SERPING1: variants seen among roughly 807,000 people sequenced by gnomAD.
The protein encoded by SERPING1 is plasma protease C1 inhibitor.
A neutral mutation model predicts 34.1 loss-of-function variants in SERPING1; 5 were observed. The ratio of observed to expected loss-of-function variants is 0.15; its 90% CI spans 0.08 to 0.31. The LOEUF is 0.31. SERPING1 is among the 10% of genes least tolerant of loss of function. The probability of loss-of-function intolerance (pLI) is 1.00; values close to 1 mark genes in which losing one functional copy is unlikely to be tolerated. For missense variants in SERPING1, 505 were observed against 609.5 expected (o/e 0.83, Z 1.81); for synonymous variants, 225 against 242.4 (o/e 0.93, Z 0.67).
chr11:57,601,763 A>G (rs1945349710), intron 3 of SERPING1, among the ~76,000 whole-genome samples: 1 of 147,786 alleles, frequency 6.8e-6, no homozygotes, highest in African/African-American at 2.5e-5. Context: ...CTTGGGAGGC[A>G]GAGGTGGGAG....
In SERPING1 at chr11:57,606,412, G is replaced by C; in HGVS notation, c.894G>C (p.Lys298Asn). The C allele has an allele frequency of 1.2e-6, 2 of 1,614,092 alleles. No homozygotes were observed. The highest frequency in any genetic ancestry group is 1.3e-5 in the African/African-American group (1 of 75,006). Residue 298 changes from lysine to asparagine, a missense_variant, in exon 6 of 8, where the codon AAG becomes AAC. Transcript: ENST00000278407. Reference sequence around the variant, plus strand: ...CCTCCCACCTCTTCCCTCTAGCCAAGTGGAAGACAACATTTGATCCCAAGA... The same window carrying C: ...CCTCCCACCTCTTCCCTCTAGCCAACTGGAAGACAACATTTGATCCCAAGA... ...VLLNAIYLSA[K>N]WKTTFDPKKT...
intron 3 of SERPING1, among the ~76,000 whole-genome samples, chr11:57,600,646 A>G (rs1236892847): frequency 6.6e-6 from 1 of 152,198 alleles, no homozygotes; most frequent in Non-Finnish European, 1.5e-5. Context: ...TTTCATGGCA[A>G]GGAGAGGTGA....
chr11:57,602,140 C>T lies in SERPING1; in HGVS notation c.656C>T (p.Thr219Ile), dbSNP rs775430695. ...ALKGFTTKGV[T>I]SVSQIFHSPD... ...AAGGGCTTCACGACCAAAGGTGTCA[C>T]CTCAGTCTCTCAGATCTTCCACAGC... The change falls in exon 4 of 8, where the codon ACC (threonine) becomes ATC (isoleucine). Residue 219 changes from threonine to isoleucine, a missense_variant. Thr to Ile is a moderately conservative substitution (Grantham distance 89). Coordinates refer to ENST00000278407, the MANE Select transcript of SERPING1 (RefSeq NM_000062.3). The T allele has an allele frequency of 6.2e-7, 1 of 1,614,228 alleles. No individual in the cohort carries two copies. The highest frequency in any genetic ancestry group is 8.5e-7 in the Non-Finnish European group (1 of 1,180,048).
Position 57,614,442 on chromosome 11 carries a change from A to C in SERPING1, c.1364A>C (p.Glu455Ala). ...TVLELTETGV[E>A]AAAASAISVA... is the part of the protein sequence containing the mutation. ...CTGGAACTGACAGAGACTGGGGTGGAGGCGGCTGCAGCCTCCGCCATCTCT... is the reference window on the plus strand; with the variant it reads ...CTGGAACTGACAGAGACTGGGGTGGCGGCGGCTGCAGCCTCCGCCATCTCT... Residue 455 changes from glutamate to alanine, a missense_variant, in exon 8 of 8, where the codon GAG becomes GCG. Coordinates refer to ENST00000278407, the MANE Select transcript of SERPING1 (RefSeq NM_000062.3). The C allele has an allele frequency of 6.2e-7, 1 of 1,614,064 alleles. No homozygotes were observed. The highest frequency in any genetic ancestry group is 8.5e-7 in the Non-Finnish European group (1 of 1,180,028).
At chr11:57,609,284 C>CA (rs1240445721) in intron 6 of SERPING1, among the ~76,000 whole-genome samples, 3 of 149,066 alleles carry the variant, frequency 2.0e-5, no homozygotes, top group East Asian at 2.0e-4. Context: ...TCTCAAAACA[C>CA]AAAAAAAGAA....
chr11:57,603,904 C>T (rs1171539159), intron 4 of SERPING1, among the ~76,000 whole-genome samples: 1 of 150,908 alleles, frequency 6.6e-6, no homozygotes, highest in Non-Finnish European at 1.5e-5. Flanking sequence ...AATCCCAGCA[C>T]TTTGGGAGGC....
intron 1 of SERPING1, chr11:57,598,013 A>C: frequency 1.9e-6 from 1 of 539,384 alleles, no homozygotes. Flanking sequence ...GAACAGATGG[A>C]CAGAGACCCG....
chr11:57,598,467 C>T (rs1049186675), intron 2 of SERPING1, 146 bp downstream of exon 2: 22 of 782,038 alleles, frequency 2.8e-5, no homozygotes, highest in Non-Finnish European at 4.1e-5. Flanking sequence ...GATCCTTGCA[C>T]ACGCACTCGT....
At position 57,601,993 on chromosome 11, in the gene SERPING1, A is replaced by C. The variant is rs181092972; in HGVS notation, c.551-42A>C. 2,031 of 1,612,858 alleles carry C rather than the reference A, an allele frequency of 1.3e-3. 2 individuals carry two copies. Among genetic ancestry groups the C allele is most frequent in the Non-Finnish European group, 1.5e-3 (1,791 of 1,179,484 alleles). On this transcript the variant is annotated intron_variant, in intron 3 of 7. Transcript: ENST00000278407. Reference sequence around the variant, plus strand: ...CCCTCATTCCCAAGGAAGGCCCCCGACTCATCCTGCAAGTATCTTTCATCT... The same window carrying C: ...CCCTCATTCCCAAGGAAGGCCCCCGCCTCATCCTGCAAGTATCTTTCATCT...
At position 57,614,543 on chromosome 11, in the gene SERPING1, C is replaced by G; in HGVS notation, c.1465C>G (p.Pro489Ala). 9.3e-6 allele frequency: 15 copies of G among 1,614,070 alleles called. No individual in the cohort carries two copies. The highest frequency in any genetic ancestry group is 1.3e-5 in the Non-Finnish European group (15 of 1,179,994). Residue 489 changes from proline to alanine, a missense_variant, in exon 8 of 8, where the codon CCT becomes GCT. By Grantham distance (27) the Pro-to-Ala change is conservative. Transcript: ENST00000278407. ...GCTCTGGGACCAGCAGCACAAGTTC[C>G]CTGTCTTCATGGGGCGAGTATATGA... ...FVLWDQQHKFPVFMGRVYDPR... is the reference protein window; with the variant it reads ...FVLWDQQHKFAVFMGRVYDPR...
intron 6 of SERPING1, chr11:57,611,181 T>TTAAAAA: frequency 6.1e-6 from 1 of 164,512 alleles, no homozygotes; most frequent in Admixed American, 5.7e-5. Context: ...TCCGCCCACC[T>TTAAAAA]CGGCCTCCCA....
intron 4 of SERPING1, 72 bp from the exon 5 acceptor site, chr11:57,605,934 GCTCA>G (rs1307631443): frequency 6.2e-5 from 81 of 1,314,038 alleles, no homozygotes; most frequent in Non-Finnish European, 8.5e-5. Context: ...TAGAAAGCAT[GCTCA>G]CTCTCAAATC....
chr11:57,612,030 C>T (rs1383201829), intron 7 of SERPING1, 94 bp downstream of exon 7: 9 of 1,060,922 alleles, frequency 8.5e-6, no homozygotes, highest in Non-Finnish European at 2.9e-6. Flanking sequence ...GTATTTTTTA[C>T]ATCCATAATC....
intron 6 of SERPING1, among the ~76,000 whole-genome samples, chr11:57,607,748 C>T (rs1945427431): frequency 6.6e-6 from 1 of 152,190 alleles, no homozygotes; most frequent in Non-Finnish European, 1.5e-5. Context: ...CAATCTCTGC[C>T]TCCCGAGTTC....
At chr11:57,607,815 A>G (rs1945428348) in intron 6 of SERPING1, among the ~76,000 whole-genome samples, 1 of 152,144 alleles carries the variant, frequency 6.6e-6, no homozygotes, top group African/African-American at 2.4e-5. Flanking sequence ...GCCCGCCACC[A>G]CACCTGGCTA....
intron 4 of SERPING1, among the ~76,000 whole-genome samples, chr11:57,603,862 C>T (rs965560155): frequency 6.6e-5 from 9 of 137,278 alleles, no homozygotes; most frequent in African/African-American, 1.9e-4. Flanking sequence ...AAAAATGGGG[C>T]GGGCGGGCCA....
chr11:57,614,117 C>T (rs1417964937), intron 7 of SERPING1, among the ~76,000 whole-genome samples: 1 of 151,942 alleles, frequency 6.6e-6, no homozygotes, highest in Admixed American at 6.6e-5. Context: ...AGGGGCAAGG[C>T]CTCTCACCTT....
chr11:57,605,138 G>A (rs1352651560), intron 4 of SERPING1, among the ~76,000 whole-genome samples: 1 of 152,000 alleles, frequency 6.6e-6, no homozygotes, highest in Admixed American at 6.6e-5. Context: ...TACTTACAAA[G>A]CTGTAAGTCA....
intron 6 of SERPING1, among the ~76,000 whole-genome samples, chr11:57,607,890 C>G (rs1452013946): frequency 6.6e-6 from 1 of 152,150 alleles, no homozygotes; most frequent in Non-Finnish European, 1.5e-5. Flanking sequence ...GAACTCCTGA[C>G]CTCAAGTGAT....
Sources: allele counts gnomAD v4.1 joint callset (sites outside exome capture counted in the v4.1 genomes callset), GRCh38; gene constraint gnomAD v4.1.1; transcripts MANE v1.5; gene names NCBI Gene and HGNC (gene_info 2026-07-23, HGNC 2026-07-21).